PCNX2: variants seen among roughly 807,000 people sequenced by gnomAD.
The protein encoded by PCNX2 is pecanex-like protein 2.
A neutral mutation model predicts 223.8 loss-of-function variants in PCNX2; 168 were observed. The observed-to-expected ratio is 0.75, with a 90% CI of 0.66 to 0.85. The LOEUF (loss-of-function observed/expected upper bound fraction) is 0.85. PCNX2 is among the 40% of genes least tolerant of loss of function. PCNX2 has a pLI of 0.00. For synonymous variants in PCNX2, 1,006 were observed against 1,052.6 expected, an observed-to-expected ratio of 0.96 and a Z score of 0.86; for missense variants, 2,507 against 2,675.5, an observed-to-expected ratio of 0.94 and a Z score of 1.39.
chr1:233,051,420 A>C (rs974453059), intron 25 of PCNX2, among the ~76,000 whole-genome samples: 2 of 152,208 alleles, frequency 1.3e-5, no homozygotes, highest in Admixed American at 6.5e-5. Flanking sequence ...CACTATTCAC[A>C]ATAGCAATGA....
chr1:233,315,855 A>G, the PCNX2 span, among the ~76,000 whole-genome samples: 9 of 152,172 alleles, frequency 5.9e-5, no homozygotes, highest in Admixed American at 5.2e-4. Context: ...TTTGTTTAAT[A>G]TTTCTAGCAG....
rs1375282440 is a variant in PCNX2 at position 233,295,219 on chromosome 1, A to G, written c.153+107T>C. 2.0e-6 allele frequency: 3 copies of G among 1,470,728 alleles called. No homozygotes were observed. Among genetic ancestry groups the G allele is most frequent in the Middle Eastern group, 1.8e-4 (1 of 5,698 alleles). The allele number at this position is 1,470,728 out of a possible 1,614,324, so 91.1% of individuals were successfully genotyped here. ...GCCCCTCCCTTTCCGTCTCTTAAGAATCTCTACGAACCCGAAAGCCCGTGA... is the reference window on the plus strand; with the variant it reads ...GCCCCTCCCTTTCCGTCTCTTAAGAGTCTCTACGAACCCGAAAGCCCGTGA... On this transcript the variant is annotated intron_variant, in intron 1 of 33. Transcript: ENST00000258229. The surrounding 1 kb of genome is among the most constrained non-coding windows in gnomAD (Gnocchi z 4.1).
chr1:233,219,836 G>A (rs141165431), intron 10 of PCNX2, among the ~76,000 whole-genome samples: 460 of 152,144 alleles, frequency 3.0e-3, no homozygotes, highest in Non-Finnish European at 5.5e-3. Context: ...GTTCACTCTT[G>A]GTGGTGTACA....
intron 23 of PCNX2, chr1:233,087,117 G>C (rs1673646731): frequency 1.0e-6 from 1 of 985,262 alleles, no homozygotes; most frequent in East Asian, 1.1e-4. Flanking sequence ...GTGATTATCA[G>C]GTCACTGGTG....
intron 1 of PCNX2, among the ~76,000 whole-genome samples, chr1:233,269,583 C>CA (rs1660523676): frequency 6.6e-6 from 1 of 152,144 alleles, no homozygotes; most frequent in African/African-American, 2.4e-5. Flanking sequence ...AATATACTGT[C>CA]AGAGAAGGCA....
chr1:233,160,058 T>C (rs1164191845), intron 19 of PCNX2, among the ~76,000 whole-genome samples: 2 of 152,194 alleles, frequency 1.3e-5, no homozygotes, highest in Non-Finnish European at 2.9e-5. Context: ...AACTTTCTTG[T>C]TATGGTTGGC....
chr1:232,991,870 T>A lies in PCNX2; in HGVS notation c.5792-5330A>T, dbSNP rs1669710733. 6.6e-6 allele frequency among the ~76,000 whole-genome samples: 1 copy of A among 152,092 alleles called. No homozygotes were observed. Among genetic ancestry groups the A allele is most frequent in the South Asian group, 2.1e-4 (1 of 4,820 alleles). On this transcript the variant is annotated intron_variant, in intron 32 of 33. Coordinates refer to ENST00000258229, the MANE Select transcript of PCNX2 (RefSeq NM_014801.4). The surrounding 1 kb of genome is among the most constrained non-coding windows in gnomAD (Gnocchi z 4.3). ...ACTGGCAGACAGTAGGTTCATGCTGTTTAAGCCACCTGAGCCATGGTACTT... is the reference window on the plus strand; with the variant it reads ...ACTGGCAGACAGTAGGTTCATGCTGATTAAGCCACCTGAGCCATGGTACTT...
intron 21 of PCNX2, among the ~76,000 whole-genome samples, chr1:233,108,320 GGAGA>G (rs1266125043): frequency 1.3e-5 from 2 of 152,142 alleles, no homozygotes; most frequent in Non-Finnish European, 2.9e-5. Context: ...CAAAATCTGA[GGAGA>G]GAAAGATACC....
intron 23 of PCNX2, among the ~76,000 whole-genome samples, chr1:233,079,507 G>A (rs1440888668): frequency 1.6e-4 from 23 of 141,086 alleles, no homozygotes; most frequent in African/African-American, 3.8e-4. Flanking sequence ...CAGCCTGGGC[G>A]ACAGTGCAAC....
At position 232,986,118 on chromosome 1, in the gene PCNX2, C is replaced by T. The variant is rs1455739852; in HGVS notation, c.6214G>A (p.Ala2072Thr). The T allele has an allele frequency of 6.4e-7, 1 of 1,566,942 alleles. No individual in the cohort carries two copies. The highest frequency in any genetic ancestry group is 1.2e-5 in the South Asian group (1 of 85,126). ...CGAGTGGCCTGGCTGGCAGCCCTGG[C>T]TGAGGGGCCCATCACGATGTTGACG... Reference protein sequence around the residue: ...SSVNIVMGPSARAASQATRHL... With the variant: ...SSVNIVMGPSTRAASQATRHL... Residue 2072 changes from alanine to threonine, a missense_variant, in exon 33 of 34, where the codon GCC (alanine) becomes ACC (threonine). Ala to Thr is a moderately conservative substitution (Grantham distance 58). Transcript: ENST00000258229.
At chr1:233,108,765 T>C (rs1199653845) in intron 21 of PCNX2, among the ~76,000 whole-genome samples, 1 of 152,126 alleles carries the variant, frequency 6.6e-6, no homozygotes, top group African/African-American at 2.4e-5. Context: ...ACTCTCCTTC[T>C]GAGGAAGGGG....
intron 9 of PCNX2, among the ~76,000 whole-genome samples, chr1:233,236,206 C>T (rs1394695579): frequency 4.0e-5 from 6 of 151,824 alleles, no homozygotes; most frequent in Non-Finnish European, 7.4e-5. Flanking sequence ...CTCCAAAATG[C>T]CCAAAATTGA....
At chr1:233,105,558 A>C (rs1231270075) in intron 21 of PCNX2, among the ~76,000 whole-genome samples, 1 of 152,200 alleles carries the variant, frequency 6.6e-6, no homozygotes, top group Non-Finnish European at 1.5e-5. Flanking sequence ...AAATATAAGG[A>C]GAGAGAAAGG....
intron 19 of PCNX2, among the ~76,000 whole-genome samples, chr1:233,141,749 GTA>G (rs1387615337): frequency 6.8e-6 from 1 of 146,426 alleles, no homozygotes; most frequent in Admixed American, 6.9e-5. Flanking sequence ...ATATATATGG[GTA>G]TATATGTGTG....
rs1416901418 is a variant in PCNX2, at chr1:233,001,065, G to A, written c.5097+472C>T. Among the ~76,000 whole-genome samples the A allele has an allele frequency of 2.0e-5, 3 of 152,024 alleles. No individual in the cohort carries two copies. Among genetic ancestry groups the A allele is most frequent in the East Asian group, 3.9e-4 (2 of 5,180 alleles). On this transcript the variant is annotated intron_variant, in intron 29 of 33. Transcript: ENST00000258229. This position sits in a 1 kb window ranked among gnomAD's most constrained non-coding sequence, Gnocchi z 4.2. The stretch of plus-strand genomic sequence containing the variant: ...TTTTTTCCCCAAGAGACAGGGTCTT[G>A]CACTGTCACCCAGGCTGGAGTGCAG...
intron 25 of PCNX2, among the ~76,000 whole-genome samples, chr1:233,028,150 T>C (rs1671147638): frequency 6.6e-6 from 1 of 152,232 alleles, no homozygotes; most frequent in African/African-American, 2.4e-5. Context: ...TTTGATGGCT[T>C]AGCACATGGT....
At chr1:233,019,587 A>AGGT (rs1345779546) in intron 26 of PCNX2, among the ~76,000 whole-genome samples, 4 of 152,130 alleles carry the variant, frequency 2.6e-5, no homozygotes, top group African/African-American at 9.7e-5. Flanking sequence ...TATATGTGGA[A>AGGT]AAACAGTCAT....
At chr1:233,232,302 T>C (rs994856709) in intron 9 of PCNX2, among the ~76,000 whole-genome samples, 2 of 152,230 alleles carry the variant, frequency 1.3e-5, no homozygotes, top group Non-Finnish European at 1.5e-5. Context: ...CAATACTTTA[T>C]TACAAAATAG....
At chr1:233,150,600 C>T (rs923535712) in intron 19 of PCNX2, among the ~76,000 whole-genome samples, 1 of 152,092 alleles carries the variant, frequency 6.6e-6, no homozygotes, top group African/African-American at 2.4e-5. Flanking sequence ...ATAACTTGAC[C>T]TACATTTTCT....
Sources: allele counts gnomAD v4.1 joint callset (sites outside exome capture counted in the v4.1 genomes callset), GRCh38; gene constraint gnomAD v4.1.1; non-coding constraint Gnocchi (gnomAD v3.1); transcripts MANE v1.5; gene names NCBI Gene and HGNC (gene_info 2026-07-23, HGNC 2026-07-21).